Variants in PLXNA4 observed in about 807,000 individuals in gnomAD.
The protein encoded by PLXNA4 is plexin A4, also known as plexin-A4.
In PLXNA4, 44 loss-of-function variants were observed where a neutral mutation model predicts 191.8. The ratio of observed to expected loss-of-function variants is 0.23; its 90% CI spans 0.18 to 0.29. The LOEUF is 0.29. Ranked by LOEUF, PLXNA4 falls within the 10% of genes least tolerant of loss-of-function variation. The pLI is 1.00. For missense variants in PLXNA4, 1,800 were observed against 2,488.8 expected, an observed-to-expected ratio of 0.72 and a Z score of 5.89; for synonymous variants, 1,082 against 1,009.5, an observed-to-expected ratio of 1.07 and a Z score of -1.36.
intron 3 of PLXNA4, among the ~76,000 whole-genome samples, chr7:132,326,147 G>A (rs888722456): frequency 6.6e-6 from 1 of 152,118 alleles, no homozygotes; most frequent in Non-Finnish European, 1.5e-5. Flanking sequence ...AGAACAAAAA[G>A]GTGGAGGAAG....
At chr7:132,622,774 G>A (rs901607419) in intron 2 of PLXNA4, among the ~76,000 whole-genome samples, 4 of 152,152 alleles carry the variant, frequency 2.6e-5, no homozygotes, top group Admixed American at 6.5e-5. Context: ...TGAGGTCAAC[G>A]ACTATTTAAA....
chr7:132,345,428 C>T (rs1249612160), intron 3 of PLXNA4, among the ~76,000 whole-genome samples: 1 of 152,186 alleles, frequency 6.6e-6, no homozygotes, highest in Admixed American at 6.5e-5. Flanking sequence ...CTCAAATGTA[C>T]CCAGCACATT....
chr7:132,490,810 C>A (rs769471730), intron 2 of PLXNA4, among the ~76,000 whole-genome samples: 4 of 152,130 alleles, frequency 2.6e-5, no homozygotes, highest in Non-Finnish European at 4.4e-5. Flanking sequence ...GACCCTGACT[C>A]GCTTGCTCCT....
intron 14 of PLXNA4, among the ~76,000 whole-genome samples, chr7:132,190,271 T>C (rs1797044854): frequency 6.6e-6 from 1 of 152,218 alleles, no homozygotes. Context: ...CTAAATTCAA[T>C]CACACCCCTC....
chr7:132,394,944 A>T (rs1335722637), intron 3 of PLXNA4, among the ~76,000 whole-genome samples: 1 of 152,174 alleles, frequency 6.6e-6, no homozygotes, highest in Non-Finnish European at 1.5e-5. Context: ...AGCCCTGGGG[A>T]TTCTCAGCCT....
rs1392102657 is a variant in PLXNA4 at position 132,179,676 on chromosome 7, C to T, written c.3874+11G>A. On this transcript the variant is annotated intron_variant, in intron 20 of 31. Coordinates refer to ENST00000321063, the MANE Select transcript of PLXNA4 (RefSeq NM_020911.2). The stretch of plus-strand genomic sequence containing the variant: ...CACACACATGGCCTCCAGCATGGGG[C>T]CACTCAGTACCTTCCTTGCACTCCA... 1.9e-6 allele frequency: 3 copies of T among 1,606,850 alleles called. No homozygotes were observed. In the East Asian group the frequency reaches 6.7e-5, roughly 36 times the overall value.
At chr7:132,468,234 C>G (rs1040558360) in intron 3 of PLXNA4, among the ~76,000 whole-genome samples, 1 of 152,174 alleles carries the variant, frequency 6.6e-6, no homozygotes, top group Non-Finnish European at 1.5e-5. Flanking sequence ...ATGACACACA[C>G]ACACATACAC....
chr7:132,151,490 G>A (rs934870197), intron 25 of PLXNA4, among the ~76,000 whole-genome samples: 1 of 34,040 alleles, frequency 2.9e-5, no homozygotes, highest in South Asian at 1.1e-3. Context: ...GGAGGAGGAA[G>A]AAGAAGGAGG....
intron 3 of PLXNA4, among the ~76,000 whole-genome samples, chr7:132,454,303 C>T (rs1456047382): frequency 6.6e-6 from 1 of 152,170 alleles, no homozygotes; most frequent in Non-Finnish European, 1.5e-5. Flanking sequence ...TCTCAAAGTT[C>T]TTGTTCCTGC....
upstream of PLXNA4, among the ~76,000 whole-genome samples, chr7:132,581,554 C>T (rs1563186369): frequency 6.6e-6 from 1 of 152,252 alleles, no homozygotes; most frequent in Non-Finnish European, 1.5e-5. Context: ...AATCCACTGC[C>T]CATGAGCCAT....
intron 27 of PLXNA4, among the ~76,000 whole-genome samples, chr7:132,147,197 T>C (rs975849498): frequency 6.6e-6 from 1 of 152,238 alleles, no homozygotes; most frequent in Non-Finnish European, 1.5e-5. Flanking sequence ...TTTGCTGAAA[T>C]TCCTGCCAGT....
chr7:132,383,345 C>A, intron 3 of PLXNA4: 1 of 171,114 alleles, frequency 5.8e-6, no homozygotes, highest in East Asian at 1.9e-4. Flanking sequence ...TAAAGCATTC[C>A]CTGGGATTCT....
At position 132,454,797 on chromosome 7, in the gene PLXNA4, A is replaced by G. The variant is rs140993179; in HGVS notation, c.1371+34495T>C. 3.9e-3 allele frequency among the ~76,000 whole-genome samples: 592 copies of G among 152,126 alleles called. 4 individuals are homozygous for G. The highest frequency in any genetic ancestry group is 0.013 in the African/African-American group (559 of 41,526). ...GACAGCCAAAGAGAGAAGCCTGAGG[A>G]GAAGCCAGCCCTGCCTATACCTTGA... On this transcript the variant is annotated intron_variant, in intron 3 of 31. Transcript: ENST00000321063.
At chr7:132,497,458 G>A (rs1359531406) in intron 2 of PLXNA4, among the ~76,000 whole-genome samples, 1 of 152,208 alleles carries the variant, frequency 6.6e-6, no homozygotes, top group Non-Finnish European at 1.5e-5. Context: ...AGTGGAGAGT[G>A]TCCACAGGGA....
At chr7:132,222,231 T>C (rs535220162) in intron 9 of PLXNA4, among the ~76,000 whole-genome samples, 1 of 152,288 alleles carries the variant, frequency 6.6e-6, no homozygotes, top group South Asian at 2.1e-4. Context: ...AAAACGGGAT[T>C]TGGGCCGGGA....
intron 2 of PLXNA4, among the ~76,000 whole-genome samples, chr7:132,609,369 G>C (rs931874316): frequency 2.6e-5 from 4 of 152,116 alleles, no homozygotes; most frequent in Non-Finnish European, 4.4e-5. Flanking sequence ...GTGGTTGTAA[G>C]TCCTGCAGAG....
At chr7:132,271,158 G>A (rs1800054272) in intron 4 of PLXNA4, 1 of 152,114 alleles carries the variant, frequency 6.6e-6, no homozygotes, top group African/African-American at 2.4e-5. Context: ...CCACAAGAGG[G>A]AATTAGCCTA....
At chr7:132,133,640 G>A (rs1029641865) in intron 30 of PLXNA4, among the ~76,000 whole-genome samples, 6 of 152,168 alleles carry the variant, frequency 3.9e-5, no homozygotes, top group African/African-American at 1.4e-4. Context: ...ACTCTCTGGG[G>A]GCTAAATGGG....
At chr7:132,306,821 A>T (rs1217344219) in intron 3 of PLXNA4, among the ~76,000 whole-genome samples, 2 of 152,050 alleles carry the variant, frequency 1.3e-5, no homozygotes, top group Non-Finnish European at 2.9e-5. Context: ...GCTCAAACAC[A>T]ATCTCTAGAA....
Sources: gnomAD v4.1 joint callset for allele counts (sites outside exome capture counted in the v4.1 genomes callset) on GRCh38, gnomAD v4.1.1 for gene constraint, MANE v1.5 for transcripts, NCBI Gene and HGNC (gene_info 2026-07-23, HGNC 2026-07-21) for gene names.